Variants in CGGBP1 observed in about 807,000 individuals in gnomAD.
CGGBP1 encodes the protein CGG triplet repeat-binding protein 1.
In CGGBP1, 4 loss-of-function variants were observed where a neutral mutation model predicts 11.4. That is an observed-to-expected ratio of 0.35 (90% confidence interval 0.17 to 0.80). CGGBP1 has a LOEUF of 0.80. Ranked by LOEUF, CGGBP1 falls within the 30% of genes least tolerant of loss-of-function variation. The pLI is 0.52. For synonymous variants in CGGBP1, 76 were observed against 74.1 expected, an observed-to-expected ratio of 1.03 and a Z score of -0.13; for missense variants, 135 against 202.1, an observed-to-expected ratio of 0.67 and a Z score of 2.01.
At position 88,127,031 on chromosome 3, in the gene CGGBP1, C is replaced by T. The variant is rs570063698; in HGVS notation, c.-229+13939G>A. 7.2e-5 allele frequency among the ~76,000 whole-genome samples: 11 copies of T among 152,202 alleles called. No homozygotes were observed. In the South Asian group the frequency reaches 1.5e-3, roughly 20 times the overall value. On this transcript the variant is annotated intron_variant, in intron 2 of 3. Transcript: ENST00000462901. The stretch of plus-strand genomic sequence containing the variant: ...TTTTTAAAATGTTCCCCATATCATT[C>T]CTGAACCCCAGAACATTTTGGATCA...
Position 88,058,053 on chromosome 3 carries a change from TAGC to T in CGGBP1, c.-163_-161del, listed in dbSNP as rs1706610799. ...TTCCAGTTTTTTTCGTCTTGATACT[TAGC>T]AGGGAATGGTCTCCAGAGCGAAACC... On this transcript the variant is annotated 5_prime_UTR_variant, in exon 2 of 4. Coordinates refer to ENST00000482016, the MANE Select transcript of CGGBP1 (RefSeq NM_001008390.2). 6.6e-6 allele frequency: 1 copy of T among 152,240 alleles called. No homozygotes were observed. 9.4% of individuals were successfully genotyped at this position (152,240 alleles called of 1,614,324 possible).
chr3:88,088,456 A>T lies in CGGBP1; in HGVS notation c.-228-30233T>A, dbSNP rs117730313. On this transcript the variant is annotated intron_variant, in intron 2 of 3. Coordinates refer to the CGGBP1 transcript ENST00000462901. The stretch of plus-strand genomic sequence containing the variant: ...AGAAGTTACGTACAACATTAAAAAC[A>T]TCAGTATCACGCTGTGTGAAAGGAA... Among the ~76,000 whole-genome samples, 40 of 152,288 alleles carry T rather than the reference A, an allele frequency of 2.6e-4. No individual in the cohort carries two copies. The East Asian group carries it at 7.7e-3, about 29-fold the overall frequency.
intron 1 of CGGBP1, chr3:88,144,667 G>A (rs1707271594): frequency 6.6e-6 from 1 of 152,304 alleles, no homozygotes; most frequent in Non-Finnish European, 1.5e-5. Context: ...GTAATCAAGT[G>A]TTCAATTTTA....
At chr3:88,095,641 C>A in intron 2 of CGGBP1, 1 of 504,594 alleles carries the variant, frequency 2.0e-6, no homozygotes, top group Non-Finnish European at 4.0e-6. Flanking sequence ...AAGCCCCAAG[C>A]AATATCATCA....
chr3:88,082,603 A>G (rs1028504989), intron 2 of CGGBP1, among the ~76,000 whole-genome samples: 5 of 152,248 alleles, frequency 3.3e-5, no homozygotes, highest in African/African-American at 1.2e-4. Flanking sequence ...ACTAATAGAA[A>G]TAAAGACATG....
rs57459670 is a variant in CGGBP1, at chr3:88,140,319, A to G, written c.-229+651T>C. 9 of 1,613,754 alleles carry G rather than the reference A, an allele frequency of 5.6e-6. No individual in the cohort carries two copies. The East Asian group carries it at 1.3e-4, about 24-fold the overall frequency. On this transcript the variant is annotated intron_variant, in intron 2 of 3. Transcript: ENST00000462901. ...GTCATCTGCACAACCAAGTGAAACA[A>G]TTCTTTGGGATGTTCAGACAGACTC... is the stretch of plus-strand genomic sequence containing the variant.
chr3:88,084,911 T>C (rs1207206545), intron 2 of CGGBP1, among the ~76,000 whole-genome samples: 1 of 152,150 alleles, frequency 6.6e-6, no homozygotes, highest in African/African-American at 2.4e-5. Context: ...CGCTAATCTT[T>C]TATAATGGTC....
intron 3 of CGGBP1, chr3:88,056,685 G>C (rs918063127): frequency 1.3e-5 from 2 of 151,860 alleles, no homozygotes; most frequent in African/African-American, 2.4e-5. Context: ...TCTAATACTT[G>C]TTTCCTTTTC....
intron 2 of CGGBP1, among the ~76,000 whole-genome samples, chr3:88,083,522 C>T (rs1049784691): frequency 1.3e-5 from 2 of 152,156 alleles, no homozygotes; most frequent in Non-Finnish European, 2.9e-5. Flanking sequence ...TAGCGTGCTT[C>T]TGGCCTTGGC....
chr3:88,103,949 A>G (rs1186217328), intron 2 of CGGBP1, among the ~76,000 whole-genome samples: 1 of 151,064 alleles, frequency 6.6e-6, no homozygotes, highest in Non-Finnish European at 1.5e-5. Context: ...TTATTTTTAG[A>G]CGGGGTTTTG....
At chr3:88,063,059 G>A (rs1345721859), upstream of CGGBP1, among the ~76,000 whole-genome samples, 1 of 152,138 alleles carries the variant, frequency 6.6e-6, no homozygotes, top group Admixed American at 6.5e-5. Context: ...AACTGTGGCG[G>A]GGTTCTCAGA....
upstream of CGGBP1, chr3:88,059,408 T>G: frequency 1.3e-6 from 2 of 1,531,370 alleles, no homozygotes; most frequent in Non-Finnish European, 1.7e-6. Context: ...CCTGTGGGGC[T>G]TAGAGCTGCG....
At chr3:88,133,570 A>T (rs1706591096) in intron 2 of CGGBP1, among the ~76,000 whole-genome samples, 1 of 149,940 alleles carries the variant, frequency 6.7e-6, no homozygotes, top group East Asian at 1.9e-4. Flanking sequence ...CATCTTAGGA[A>T]TGAAGTACTT....
intron 2 of CGGBP1, among the ~76,000 whole-genome samples, chr3:88,100,887 C>T (rs563190791): frequency 2.8e-4 from 42 of 152,222 alleles, no homozygotes; most frequent in African/African-American, 9.4e-4. Context: ...TGCAGCACAC[C>T]AACATGGCAC....
intron 2 of CGGBP1, 179 bp downstream of exon 2, chr3:88,057,840 C>T (rs1239804186): frequency 6.6e-6 from 1 of 152,076 alleles, no homozygotes; most frequent in African/African-American, 2.4e-5. Context: ...AAATTTCCAC[C>T]CAGTAGAGGA....
chr3:88,125,643 C>T (rs1223836237), intron 2 of CGGBP1, among the ~76,000 whole-genome samples: 7 of 152,226 alleles, frequency 4.6e-5, no homozygotes, highest in East Asian at 1.9e-4. Flanking sequence ...CCTTCTACCA[C>T]GATTTAGATT....
In CGGBP1 at chr3:88,052,603, C is replaced by T. The variant is rs1298822466; in HGVS notation, c.*2870G>A. ...TACAACAGTTTTAAAGCAATTGATA[C>T]TTTCAGAACAATCTCAAGCTTAATT... On this transcript the variant is annotated 3_prime_UTR_variant, in exon 4 of 4. Transcript: ENST00000482016. 1 of 152,452 alleles carries T rather than the reference C, an allele frequency of 6.6e-6. No individual in the cohort carries two copies. The highest frequency in any genetic ancestry group is 2.4e-5 in the African/African-American group (1 of 41,416). 9.4% of individuals were successfully genotyped at this position (152,452 alleles called of 1,614,324 possible).
At chr3:88,062,208 T>G (rs77374603), upstream of CGGBP1, among the ~76,000 whole-genome samples, 306 of 152,300 alleles carry the variant, frequency 2.0e-3, no homozygotes, top group African/African-American at 6.9e-3. Flanking sequence ...GGAAAGTAAC[T>G]TTTATGGAAG....
At chr3:88,135,653 T>C (rs896815988) in intron 2 of CGGBP1, among the ~76,000 whole-genome samples, 6 of 152,094 alleles carry the variant, frequency 3.9e-5, no homozygotes, top group African/African-American at 1.4e-4. Flanking sequence ...TTAAATTGTT[T>C]ATTTGAAGTA....
Sources: allele counts gnomAD v4.1 joint callset (sites outside exome capture counted in the v4.1 genomes callset), GRCh38; gene constraint gnomAD v4.1.1; transcripts MANE v1.5; gene names NCBI Gene and HGNC (gene_info 2026-07-23, HGNC 2026-07-21).